Variants in GNAL observed in about 807,000 individuals in gnomAD.
The protein encoded by GNAL is guanine nucleotide-binding protein G(olf) subunit alpha.
A neutral mutation model predicts 55.1 loss-of-function variants in GNAL; 18 were observed. That is an observed-to-expected ratio of 0.33 (90% confidence interval 0.23 to 0.48). The LOEUF is 0.48. Among genes scored for constraint, GNAL ranks in the 20% least tolerant of loss-of-function variants. The pLI is 0.99. For missense variants in GNAL, 412 were observed against 614.1 expected (o/e 0.67, Z 3.48); for synonymous variants, 253 against 237.0 (o/e 1.07, Z -0.62).
chr18:11,827,983 A>G (rs1487127312), intron 5 of GNAL, among the ~76,000 whole-genome samples: 1 of 152,018 alleles, frequency 6.6e-6, no homozygotes, highest in East Asian at 1.9e-4. Flanking sequence ...GGAAAAAAAA[A>G]AAAAAAAAAG....
intron 1 of GNAL, among the ~76,000 whole-genome samples, chr18:11,729,254 T>C (rs969499377): frequency 2.0e-5 from 3 of 152,164 alleles, no homozygotes; most frequent in Admixed American, 2.0e-4. Flanking sequence ...AAGGAAAACA[T>C]GCTTCCTGCC....
intron 8 of GNAL, among the ~76,000 whole-genome samples, 180 bp downstream of exon 8, chr18:11,867,406 C>T (rs185592120): frequency 2.1e-4 from 32 of 152,230 alleles, no homozygotes; most frequent in African/African-American, 7.0e-4. Flanking sequence ...GGGCCTGACA[C>T]GGTGGCTCAC....
chr18:11,861,163 C>T (rs770900948), intron 5 of GNAL, among the ~76,000 whole-genome samples: 35 of 152,196 alleles, frequency 2.3e-4, no homozygotes, highest in Non-Finnish European at 4.4e-4. Flanking sequence ...GCCAGCGCAG[C>T]CTCCAGGCCG....
chr18:11,825,956 G>C (rs898246700), intron 5 of GNAL, among the ~76,000 whole-genome samples: 1 of 152,138 alleles, frequency 6.6e-6, no homozygotes, highest in Non-Finnish European at 1.5e-5. Context: ...ATGTAAAGCT[G>C]TGGATAGCAA....
At chr18:11,717,529 A>G (rs1255223577) in intron 1 of GNAL, among the ~76,000 whole-genome samples, 1 of 152,262 alleles carries the variant, frequency 6.6e-6, no homozygotes, top group East Asian at 1.9e-4. Context: ...TAGCAAAGAC[A>G]TGGAATCAAA....
intron 1 of GNAL, among the ~76,000 whole-genome samples, chr18:11,703,995 T>C (rs1450599419): frequency 2.0e-5 from 3 of 152,192 alleles, no homozygotes; most frequent in Admixed American, 2.0e-4. Context: ...CTACAGGTTA[T>C]CCTAACTTCA....
At chr18:11,819,367 T>C (rs1024079704) in intron 4 of GNAL, among the ~76,000 whole-genome samples, 5 of 152,218 alleles carry the variant, frequency 3.3e-5, no homozygotes, top group Non-Finnish European at 7.4e-5. Context: ...AATAGAGTCA[T>C]TACATACTTT....
intron 4 of GNAL, among the ~76,000 whole-genome samples, chr18:11,804,907 C>G (rs1598474495): frequency 6.9e-6 from 1 of 144,776 alleles, no homozygotes; most frequent in South Asian, 2.2e-4. Flanking sequence ...TGGTGCAGTA[C>G]AGGTGCAGTT....
chr18:11,836,508 C>G (rs1363632938), intron 5 of GNAL, among the ~76,000 whole-genome samples: 2 of 151,824 alleles, frequency 1.3e-5, no homozygotes, highest in African/African-American at 4.8e-5. Context: ...TGCTTAGTAC[C>G]CAAGTGTAGC....
At chr18:11,746,664 C>T (rs1302638642) in intron 1 of GNAL, 6 of 248,468 alleles carry the variant, frequency 2.4e-5, no homozygotes, top group South Asian at 1.0e-4. Flanking sequence ...ACAATTTTGA[C>T]GACAGACAGA....
chr18:11,723,127 T>C (rs1372254387), intron 1 of GNAL, among the ~76,000 whole-genome samples: 2 of 151,968 alleles, frequency 1.3e-5, no homozygotes, highest in African/African-American at 4.8e-5. Flanking sequence ...GAGGTTGCAG[T>C]GAGCCAAGAT....
intron 4 of GNAL, 79 bp downstream of exon 4, chr18:11,754,024 AT>A: frequency 2.9e-6 from 3 of 1,018,036 alleles, no homozygotes; most frequent in Non-Finnish European, 4.6e-6. Context: ...GAGAATCAAT[AT>A]TGATACTAAT....
chr18:11,784,238 C>G (rs1289593219), intron 4 of GNAL, among the ~76,000 whole-genome samples: 1 of 152,252 alleles, frequency 6.6e-6, no homozygotes, highest in African/African-American at 2.4e-5. Context: ...CATTGTGTTT[C>G]TGTCTTCAGG....
At chr18:11,722,405 G>A (rs1337827900) in intron 1 of GNAL, among the ~76,000 whole-genome samples, 1 of 152,194 alleles carries the variant, frequency 6.6e-6, no homozygotes, top group Non-Finnish European at 1.5e-5. Flanking sequence ...TGCTAACAGT[G>A]ATATGTATTA....
At chr18:11,746,731 G>T in intron 1 of GNAL, 1 of 289,492 alleles carries the variant, frequency 3.5e-6, no homozygotes, top group South Asian at 3.5e-5. Flanking sequence ...TGCCACCCAG[G>T]TGAAGCAGCT....
chr18:11,880,210 TGG>T (rs1567908577), intron 11 of GNAL, among the ~76,000 whole-genome samples: 26 of 147,242 alleles, frequency 1.8e-4, no homozygotes, highest in Non-Finnish European at 3.0e-4. Context: ...TGAGCCGAGA[TGG>T]CACCACTGCA....
Position 11,717,365 on chromosome 18 carries a change from G to T in GNAL, c.376+27426G>T, listed in dbSNP as rs376780462. ...AAGGGGGCTCCCACAGTGCAGTGGC[G>T]GGTTGAAGGGCTCCTCAAGTGCCGC... On this transcript the variant is annotated intron_variant, in intron 1 of 11. Coordinates refer to ENST00000334049, the MANE Select transcript of GNAL (RefSeq NM_182978.4). Among the ~76,000 whole-genome samples the T allele has an allele frequency of 2.0e-5, 3 of 152,224 alleles. No individual in the cohort carries two copies. The East Asian group carries it at 5.8e-4, about 29-fold the overall frequency.
At position 11,730,160 on chromosome 18, in the gene GNAL, C is replaced by CTT. The variant is rs1240028582; in HGVS notation, c.377-22677_377-22676dup. 1.4e-3 allele frequency among the ~76,000 whole-genome samples: 195 copies of CTT among 138,762 alleles called. 1 individual carries two copies. The highest frequency in any genetic ancestry group is 3.7e-3 in the African/African-American group (137 of 37,308). 91.0% of individuals were successfully genotyped at this position (138,762 alleles called of 152,430 possible). On this transcript the variant is annotated intron_variant, in intron 1 of 11. Transcript: ENST00000334049. ...AACATTCTCCTGCCTCAGCCTCCCA[C>CTT]TTTTTTTTTTTTTTTTTGAGGCAGA...
chr18:11,716,377 C>T (rs1402916885), intron 1 of GNAL, among the ~76,000 whole-genome samples: 8 of 152,048 alleles, frequency 5.3e-5, no homozygotes, highest in African/African-American at 1.5e-4. Context: ...CAGACCTTCG[C>T]GGTGAGTGTT....
Sources: gnomAD v4.1 joint callset for allele counts (sites outside exome capture counted in the v4.1 genomes callset) on GRCh38, gnomAD v4.1.1 for gene constraint, MANE v1.5 for transcripts, NCBI Gene and HGNC (gene_info 2026-07-23, HGNC 2026-07-21) for gene names.